Variants in STX8 observed in about 807,000 individuals in gnomAD.
STX8 encodes the protein syntaxin-8.
Under a neutral mutation model 37.5 loss-of-function variants are expected in STX8, and 23 were observed. That is an observed-to-expected ratio of 0.61 (90% CI 0.44 to 0.87). The LOEUF (loss-of-function observed/expected upper bound fraction) is 0.87. Ranked by LOEUF, STX8 falls within the 40% of genes least tolerant of loss-of-function variation. The probability of loss-of-function intolerance (pLI) is 0.00; values close to 1 mark genes in which losing one functional copy is unlikely to be tolerated. For missense variants in STX8, 313 were observed against 284.7 expected (o/e 1.10, Z -0.71); for synonymous variants, 115 against 99.1 (o/e 1.16, Z -0.95).
At chr17:9,338,048 A>ATTTTTTTTTTTTTT (rs972471091) in intron 7 of STX8, among the ~76,000 whole-genome samples, 1 of 107,896 alleles carries the variant, frequency 9.3e-6, no homozygotes, top group African/African-American at 3.6e-5. Flanking sequence ...CCTCTGAAGG[A>ATTTTTTTTTTTTTT]TTTTTTTTTT....
intron 6 of STX8, among the ~76,000 whole-genome samples, chr17:9,403,004 T>C (rs1478138344): frequency 6.6e-6 from 1 of 152,110 alleles, no homozygotes; most frequent in Non-Finnish European, 1.5e-5. Context: ...ACAGCCCTCC[T>C]GACATGAACA....
chr17:9,372,683 G>A (rs1026503714), intron 7 of STX8, among the ~76,000 whole-genome samples: 38 of 150,580 alleles, frequency 2.5e-4, no homozygotes, highest in African/African-American at 8.8e-4. Flanking sequence ...TCAACATGTT[G>A]GCCAGGCTGG....
At chr17:9,330,193 G>A (rs571303771) in intron 7 of STX8, among the ~76,000 whole-genome samples, 2 of 152,172 alleles carry the variant, frequency 1.3e-5, no homozygotes, top group Non-Finnish European at 2.9e-5. Flanking sequence ...CCTCTTATTA[G>A]TGTCTTTTGA....
chr17:9,403,112 T>G (rs562103189), intron 6 of STX8, among the ~76,000 whole-genome samples: 10 of 152,286 alleles, frequency 6.6e-5, no homozygotes, highest in African/African-American at 2.4e-4. Context: ...CATAAGAGTC[T>G]GTCCAGACTG....
In STX8 at chr17:9,539,308, GAAGA is replaced by G. The variant is rs142228088; in HGVS notation, c.323+5860_323+5863del. On this transcript the variant is annotated intron_variant, in intron 4 of 7. Coordinates refer to ENST00000306357, the MANE Select transcript of STX8 (RefSeq NM_004853.3). ...AAGGCCCTCGGGAATGAGGGATGGG[GAAGA>G]AAGAGAGGAAAAGAGCGTTGTGCAA... Among the ~76,000 whole-genome samples, 1,255 of 152,294 alleles carry G rather than the reference GAAGA, an allele frequency of 8.2e-3. 23 individuals carry two copies. The highest frequency in any genetic ancestry group is 0.028 in the African/African-American group (1,167 of 41,560).
intron 7 of STX8, among the ~76,000 whole-genome samples, chr17:9,324,862 T>C (rs1909703874): frequency 2.0e-5 from 3 of 151,866 alleles, no homozygotes; most frequent in Non-Finnish European, 4.4e-5. Context: ...GGGATACGAA[T>C]GGTCCCTGAC....
At chr17:9,377,888 G>A (rs1228387834) in intron 7 of STX8, 1 of 152,150 alleles carries the variant, frequency 6.6e-6, no homozygotes, top group Non-Finnish European at 1.5e-5. Context: ...ACGTACCTTT[G>A]GGCAAGGCAC....
Position 9,345,848 on chromosome 17 carries a change from CTTTT to C in STX8, c.643+32700_643+32703del, listed in dbSNP as rs545020159. Among the ~76,000 whole-genome samples, 72 of 52,092 alleles carry C rather than the reference CTTTT, an allele frequency of 1.4e-3. 6 individuals carry two copies. Among genetic ancestry groups the C allele is most frequent in the South Asian group, 9.7e-4 (1 of 1,032 alleles). The allele number at this position is 52,092 out of a possible 152,430, so 34.2% of individuals were successfully genotyped here. The stretch of plus-strand genomic sequence containing the variant: ...CATTATACCTCCGGGTTATGCATTC[CTTTT>C]TTTTTTTTTTTTTTTTGAGATGGAG... On this transcript the variant is annotated intron_variant, in intron 7 of 7. Transcript: ENST00000306357.
chr17:9,478,190 C>T (rs1353831962), intron 6 of STX8, among the ~76,000 whole-genome samples: 1 of 152,190 alleles, frequency 6.6e-6, no homozygotes, highest in Non-Finnish European at 1.5e-5. Flanking sequence ...GGCTGGAGTG[C>T]AGTGGTGCAA....
chr17:9,426,966 A>T (rs1374815537), intron 6 of STX8, among the ~76,000 whole-genome samples: 1 of 152,124 alleles, frequency 6.6e-6, no homozygotes, highest in Non-Finnish European at 1.5e-5. Flanking sequence ...AGATAGAAAG[A>T]TAGTCTGAAA....
At chr17:9,438,623 A>T (rs1335560273) in intron 6 of STX8, among the ~76,000 whole-genome samples, 2 of 152,114 alleles carry the variant, frequency 1.3e-5, no homozygotes, top group Non-Finnish European at 2.9e-5. Flanking sequence ...TGCAAAAGCA[A>T]CCATACATAA....
At chr17:9,566,789 A>G (rs1907477394) in intron 2 of STX8, among the ~76,000 whole-genome samples, 1 of 151,176 alleles carries the variant, frequency 6.6e-6, no homozygotes. Flanking sequence ...CTCCGTCTCG[A>G]AAAAAAAAGA....
intron 7 of STX8, among the ~76,000 whole-genome samples, chr17:9,371,755 G>A (rs942396166): frequency 6.6e-6 from 1 of 151,316 alleles, no homozygotes; most frequent in African/African-American, 2.4e-5. Context: ...GTTCTATCTG[G>A]TCCCTTTTCA....
intron 6 of STX8, among the ~76,000 whole-genome samples, chr17:9,384,487 A>C (rs1911921298): frequency 6.6e-6 from 1 of 152,000 alleles, no homozygotes; most frequent in African/African-American, 2.4e-5. Context: ...AAATACAAAA[A>C]ATTAGCCAGG....
chr17:9,568,283 G>T, intron 2 of STX8, 88 bp downstream of exon 2: 1 of 933,450 alleles, frequency 1.1e-6, no homozygotes, highest in Non-Finnish European at 1.7e-6. Flanking sequence ...ACACACATGT[G>T]CACAGACAGC....
intron 4 of STX8, among the ~76,000 whole-genome samples, chr17:9,521,354 A>G (rs1905332323): frequency 6.6e-6 from 1 of 152,246 alleles, no homozygotes; most frequent in Admixed American, 6.5e-5. Flanking sequence ...GACTGGATAT[A>G]GGGAATAAAG....
intron 4 of STX8, among the ~76,000 whole-genome samples, chr17:9,523,970 A>G (rs1371342008): frequency 6.6e-6 from 1 of 152,236 alleles, no homozygotes; most frequent in Admixed American, 6.5e-5. Context: ...TTTTCACCTC[A>G]GTGACCTTAC....
At chr17:9,505,226 C>CACAAGTG in intron 4 of STX8, 64 bp from the exon 5 acceptor site, 1 of 1,556,582 alleles carries the variant, frequency 6.4e-7, no homozygotes, top group East Asian at 2.3e-5. Context: ...AAATTACTCC[C>CACAAGTG]ACAAGTGCAG....
chr17:9,326,614 G>C (rs971356597), intron 7 of STX8, among the ~76,000 whole-genome samples: 1 of 152,228 alleles, frequency 6.6e-6, no homozygotes, highest in Admixed American at 6.5e-5. Flanking sequence ...CTTTGGCTGA[G>C]AGGCAGAAAA....
Sources: gnomAD v4.1 joint callset for allele counts (sites outside exome capture counted in the v4.1 genomes callset) on GRCh38, gnomAD v4.1.1 for gene constraint, MANE v1.5 for transcripts, NCBI Gene and HGNC (gene_info 2026-07-23, HGNC 2026-07-21) for gene names.